The following PRSS37 variants were observed in gnomAD, a reference collection of about 807,000 sequenced individuals.
PRSS37 encodes serine protease 37.
In PRSS37, 25 loss-of-function variants were observed where a neutral mutation model predicts 28.0. That is an observed-to-expected ratio of 0.89 (90% CI 0.65 to 1.25). The LOEUF is 1.25. Ranked by LOEUF, PRSS37 falls within the 50% of genes most tolerant of loss-of-function variation. The pLI is 0.00. For synonymous variants in PRSS37, 109 were observed against 107.8 expected (o/e 1.01, Z -0.07); for missense variants, 282 against 292.2 (o/e 0.97, Z 0.25).
Position 141,837,979 on chromosome 7 carries a change from T to C in PRSS37, c.311A>G (p.Lys104Arg), listed in dbSNP as rs147474808. The C allele has an allele frequency of 4.6e-4, 742 of 1,614,146 alleles. 8 individuals carry two copies. The African/African-American group carries it at 8.5e-3, about 18-fold the overall frequency. ...SAPQDDLMLI[K>R]LAKPAMLNPK... The stretch of plus-strand genomic sequence containing the variant: ...ATTGAGCATGGCAGGCTTAGCCAGC[T>C]TGATGAGCATGAGGTCATCCTGTGG... Residue 104 changes from lysine to arginine, a missense_variant, in exon 3 of 5, where the codon AAG becomes AGG. Lys to Arg is a conservative substitution (Grantham distance 26). Transcript: ENST00000350549.
At chr7:141,837,381 G>T (rs758818492) in intron 3 of PRSS37, 133 bp from the exon 4 acceptor site, 10 of 1,195,552 alleles carry the variant, frequency 8.4e-6, no homozygotes, top group Non-Finnish European at 1.2e-5. Context: ...ACAAAGGAGA[G>T]AAATCATCAA....
rs1584801302 is a variant in PRSS37 at position 141,837,889 on chromosome 7, G to A, written c.401C>T (p.Ser134Leu). 2 of 1,613,676 alleles carry A rather than the reference G, an allele frequency of 1.2e-6. No homozygotes were observed. The highest frequency in any genetic ancestry group is 1.1e-5 in the South Asian group (1 of 91,024). Residue 134 changes from serine to leucine, a missense_variant, in exon 3 of 5, where the codon TCA becomes TTA. Physicochemically the swap from Ser to Leu is moderately radical, Grantham distance 145. Coordinates refer to ENST00000350549, the MANE Select transcript of PRSS37 (RefSeq NM_001008270.3). ...NVRPGTVCLL[S>L]GLDWSQENSG... ...GTTTTCTTGGCTCCAGTCCAAACCT[G>A]AGAGTAGACAGACAGTGCCTGGCCT...
At chr7:141,837,300 G>C in intron 3 of PRSS37, 52 bp from the exon 4 acceptor site, 1 of 1,547,282 alleles carries the variant, frequency 6.5e-7, no homozygotes, top group Non-Finnish European at 8.7e-7. Flanking sequence ...GGTTATTTTA[G>C]TCCTTCTGAC....
chr7:141,837,665 G>A (rs976696057), intron 3 of PRSS37, 195 bp downstream of exon 3: 10 of 1,528,930 alleles, frequency 6.5e-6, no homozygotes, highest in Non-Finnish European at 8.8e-6. Flanking sequence ...AGAGGCAGTG[G>A]GATATTAGAC....
chr7:141,838,949 A>G (rs766715292), intron 2 of PRSS37: 8 of 461,072 alleles, frequency 1.7e-5, no homozygotes, highest in Non-Finnish European at 3.5e-5. Flanking sequence ...AATTGACCCA[A>G]TTTGAGTGCA....
At chr7:141,839,108 G>A in intron 2 of PRSS37, 1 of 638,968 alleles carries the variant, frequency 1.6e-6, no homozygotes, top group South Asian at 1.7e-5. Flanking sequence ...TTCTGGGCTG[G>A]ACAAATCTTT....
At position 141,836,419 on chromosome 7, in the gene PRSS37, AATC is replaced by A; in HGVS notation, c.681_683del (p.Trp227_Ile228delinsCys). ...CTCACTTGTCCTTAGCAGTGTTCTC[AATC>A]CAGGATACATATTTGTAAACATTGG... On this transcript the variant is annotated inframe_deletion, in exon 5 of 5. Coordinates refer to ENST00000350549, the MANE Select transcript of PRSS37 (RefSeq NM_001008270.3). The A allele has an allele frequency of 1.2e-6, 2 of 1,614,178 alleles. No individual in the cohort carries two copies. Among genetic ancestry groups the A allele is most frequent in the Non-Finnish European group, 1.7e-6 (2 of 1,180,022 alleles).
intron 1 of PRSS37, among the ~76,000 whole-genome samples, chr7:141,840,011 G>A (rs1419472191): frequency 1.3e-5 from 2 of 152,008 alleles, no homozygotes; most frequent in African/African-American, 2.4e-5. Flanking sequence ...ATATTAAACA[G>A]CAAAAGAATA....
At position 141,837,265 on chromosome 7, in the gene PRSS37, T is replaced by C; in HGVS notation, c.431-17A>G. Reference sequence around the variant, plus strand: ...GGTGTCGGCCTGAGGGAGACGGGGATAAAATAAAACATCCTGTTGACAGTG... The same window carrying C: ...GGTGTCGGCCTGAGGGAGACGGGGACAAAATAAAACATCCTGTTGACAGTG... On this transcript the variant is annotated splice_polypyrimidine_tract_variant and intron_variant, in intron 3 of 4. Coordinates refer to ENST00000350549, the MANE Select transcript of PRSS37 (RefSeq NM_001008270.3). 3.2e-6 allele frequency: 5 copies of C among 1,581,332 alleles called. No homozygotes were observed. The highest frequency in any genetic ancestry group is 4.3e-6 in the Non-Finnish European group (5 of 1,167,482).
chr7:141,841,164 C>G lies in PRSS37; in HGVS notation c.-115G>C. Reference sequence around the variant, plus strand: ...TAGACTCAGTGGCTATGGTTAGATACGGAGGCACTCCATGGGATTGGAAAG... The same window carrying G: ...TAGACTCAGTGGCTATGGTTAGATAGGGAGGCACTCCATGGGATTGGAAAG... On this transcript the variant is annotated 5_prime_UTR_variant, in exon 1 of 5. Coordinates refer to ENST00000350549, the MANE Select transcript of PRSS37 (RefSeq NM_001008270.3). 3 of 1,561,122 alleles carry G rather than the reference C, an allele frequency of 1.9e-6. No homozygotes were observed. The highest frequency in any genetic ancestry group is 2.6e-6 in the Non-Finnish European group (3 of 1,150,202).
rs760687816 is a variant in PRSS37 at position 141,840,999 on chromosome 7, A to G, written c.34+17T>C. 2.5e-6 allele frequency: 4 copies of G among 1,612,514 alleles called. No individual in the cohort carries two copies. In the East Asian group the frequency reaches 6.7e-5, roughly 27 times the overall value. On this transcript the variant is annotated intron_variant, in intron 1 of 4. Coordinates refer to ENST00000350549, the MANE Select transcript of PRSS37 (RefSeq NM_001008270.3). ...ACTGTGCCTTACAGGACAGAGTACAAGGTCTTGAGTACATACCAGCGAGGA... is the reference window on the plus strand; with the variant it reads ...ACTGTGCCTTACAGGACAGAGTACAGGGTCTTGAGTACATACCAGCGAGGA...
In PRSS37 at chr7:141,837,954, A is replaced by G. The variant is rs762222321; in HGVS notation, c.336T>C (p.Asn112=). Residue 112 remains asparagine (N), a synonymous_variant, in exon 3 of 5, where the codon AAT becomes AAC. Coordinates refer to ENST00000350549, the MANE Select transcript of PRSS37 (RefSeq NM_001008270.3). ...CGAGGGTAAGGGGCTGGACTTTGGG[A>G]TTGAGCATGGCAGGCTTAGCCAGCT... The part of the protein sequence containing the change: ...LIKLAKPAML[N]PKVQPLTLAT... 2 of 1,614,074 alleles carry G rather than the reference A, an allele frequency of 1.2e-6. No homozygotes were observed. Among genetic ancestry groups the G allele is most frequent in the Non-Finnish European group, 8.5e-7 (1 of 1,180,022 alleles).
chr7:141,838,166 A>C, intron 2 of PRSS37, 53 bp from the exon 3 acceptor site: 1 of 1,608,536 alleles, frequency 6.2e-7, no homozygotes, highest in Non-Finnish European at 8.5e-7. Flanking sequence ...ATCATTGCTA[A>C]GATACTGAAT....
At chr7:141,839,161 T>A (rs1435662114) in intron 2 of PRSS37, among the ~76,000 whole-genome samples, 177 bp downstream of exon 2, 1 of 152,214 alleles carries the variant, frequency 6.6e-6, no homozygotes, top group South Asian at 2.1e-4. Flanking sequence ...TTAAACAGCA[T>A]CTTTGCTCTA....
At chr7:141,837,710 A>G (rs1801008332) in intron 3 of PRSS37, 150 bp downstream of exon 3, 2 of 1,541,552 alleles carry the variant, frequency 1.3e-6, no homozygotes, top group Non-Finnish European at 1.8e-6. Context: ...TCCTCTGGGC[A>G]GGTCTCTGTT....
chr7:141,840,008 AC>A (rs1403470190), intron 1 of PRSS37, among the ~76,000 whole-genome samples: 1 of 152,216 alleles, frequency 6.6e-6, no homozygotes. Context: ...AGAATATTAA[AC>A]AGCAAAAGAA....
At chr7:141,839,667 A>G (rs1437832424) in intron 1 of PRSS37, among the ~76,000 whole-genome samples, 188 bp from the exon 2 acceptor site, 1 of 151,848 alleles carries the variant, frequency 6.6e-6, no homozygotes, top group Non-Finnish European at 1.5e-5. Flanking sequence ...TATATTTATA[A>G]TAATTTTGTT....
Position 141,838,418 on chromosome 7 carries a change from C to T in PRSS37, c.177-305G>A, listed in dbSNP as rs534396472. The T allele has an allele frequency of 6.2e-5, 76 of 1,234,268 alleles. 1 individual carries two copies. In the African/African-American group the frequency reaches 7.2e-4, roughly 12 times the overall value. The allele number at this position is 1,234,268 out of a possible 1,614,324, so 76.5% of individuals were successfully genotyped here. On this transcript the variant is annotated intron_variant, in intron 2 of 4. Transcript: ENST00000350549. ...GCATGTCAAGGAAATGTAATTTTCT[C>T]GCCTATCTAACTGAACAATGTCCAT...
intron 4 of PRSS37, 26 bp from the exon 5 acceptor site, chr7:141,836,561 G>A (rs755478273): frequency 3.7e-6 from 6 of 1,606,322 alleles, no homozygotes; most frequent in South Asian, 1.1e-5. Context: ...CAGAGAGAGA[G>A]AGAGAGAGAG....
Sources: allele counts gnomAD v4.1 joint callset (sites outside exome capture counted in the v4.1 genomes callset), GRCh38; gene constraint gnomAD v4.1.1; transcripts MANE v1.5; gene names NCBI Gene and HGNC (gene_info 2026-07-23, HGNC 2026-07-21).